The following SKIC3 variants were observed in gnomAD, a reference collection of about 807,000 sequenced individuals.
SKIC3 encodes SKI3 subunit of superkiller complex, also known as superkiller complex protein 3.
the SKIC3 span, chr5:95,509,488 C>G: frequency 1.2e-6 from 1 of 841,118 alleles, no homozygotes; most frequent in African/African-American, 1.7e-5. Context: ...GCGTGAACAT[C>G]CCCTGGCTTC....
At chr5:95,541,324 T>C in the SKIC3 span, 1 of 1,613,862 alleles carries the variant, frequency 6.2e-7, no homozygotes, top group South Asian at 1.1e-5. Flanking sequence ...TTTCTTTTCT[T>C]GGTAATATAG....
chr5:95,509,514 C>A, the SKIC3 span: 2 of 1,093,976 alleles, frequency 1.8e-6, no homozygotes, highest in Non-Finnish European at 1.4e-6. Flanking sequence ...GTTCTCCCAA[C>A]GCACAGGCCA....
chr5:95,526,551 G>GCAAC, the SKIC3 span, among the ~76,000 whole-genome samples: 1 of 151,008 alleles, frequency 6.6e-6, no homozygotes, highest in Non-Finnish European at 1.5e-5. Flanking sequence ...TTGACTCACT[G>GCAAC]CAACCTCTGC....
the SKIC3 span, chr5:95,546,855 T>C: frequency 1.8e-6 from 1 of 568,284 alleles, no homozygotes; most frequent in Non-Finnish European, 3.1e-6. Flanking sequence ...TTGGTTTTGT[T>C]AAGTTACCAA....
chr5:95,527,878 A>G, the SKIC3 span: 16 of 917,248 alleles, frequency 1.7e-5, no homozygotes, highest in Non-Finnish European at 2.6e-5. Flanking sequence ...AATGACTTAT[A>G]AAAGTGCAGA....
the SKIC3 span, chr5:95,522,216 C>A: frequency 6.2e-7 from 1 of 1,613,856 alleles, no homozygotes; most frequent in Non-Finnish European, 8.5e-7. Context: ...GACTTCAAGG[C>A]TGTTGTGTAG....
At chr5:95,482,239 G>C in the SKIC3 span, among the ~76,000 whole-genome samples, 1 of 152,142 alleles carries the variant, frequency 6.6e-6, no homozygotes, top group Non-Finnish European at 1.5e-5. Context: ...GTTTTAAAGT[G>C]AGAAAATTTA....
the SKIC3 span, among the ~76,000 whole-genome samples, chr5:95,496,018 C>T: frequency 7.0e-6 from 1 of 142,716 alleles, no homozygotes; most frequent in Non-Finnish European, 1.5e-5. Context: ...CAATTTCTTT[C>T]TTTTTTTTTT....
At chr5:95,494,705 T>C in the SKIC3 span, 1 of 1,613,736 alleles carries the variant, frequency 6.2e-7, no homozygotes, top group Non-Finnish European at 8.5e-7. Context: ...AGCTGCCTTC[T>C]GAATGGTCTT....
chr5:95,469,968 A>G, the SKIC3 span: 1 of 1,550,328 alleles, frequency 6.5e-7, no homozygotes, highest in South Asian at 1.1e-5. Flanking sequence ...TTTGAAAAGT[A>G]TTCAATTCAA....
the SKIC3 span, among the ~76,000 whole-genome samples, chr5:95,527,477 A>C: frequency 6.6e-6 from 1 of 152,220 alleles, no homozygotes. Flanking sequence ...AATAGTCTTT[A>C]CCTGACAAAA....
the SKIC3 span, chr5:95,484,694 A>T: frequency 6.2e-7 from 1 of 1,613,872 alleles, no homozygotes. Flanking sequence ...ATAAGAATCC[A>T]TGAGTTTCAA....
chr5:95,473,482 T>A, the SKIC3 span, among the ~76,000 whole-genome samples: 1 of 152,128 alleles, frequency 6.6e-6, no homozygotes, highest in Non-Finnish European at 1.5e-5. Flanking sequence ...TGCCAAGTTG[T>A]CCAGGCTGGT....
chr5:95,530,026 T>A, the SKIC3 span: 1 of 1,590,010 alleles, frequency 6.3e-7, no homozygotes, highest in African/African-American at 1.3e-5. Flanking sequence ...GGCTCAAAGA[T>A]AAATGCCTAC....
At chr5:95,472,810 C>T in the SKIC3 span, among the ~76,000 whole-genome samples, 4 of 152,126 alleles carry the variant, frequency 2.6e-5, no homozygotes, top group Admixed American at 2.6e-4. Context: ...TGTTTATGTT[C>T]ACGTGTGCTC....
the SKIC3 span, among the ~76,000 whole-genome samples, chr5:95,471,580 T>C: frequency 6.6e-6 from 1 of 151,984 alleles, no homozygotes; most frequent in Non-Finnish European, 1.5e-5. Flanking sequence ...TGAAAAGTAA[T>C]ATTTGCACAT....
At chr5:95,552,885 T>C in the SKIC3 span, among the ~76,000 whole-genome samples, 1 of 150,498 alleles carries the variant, frequency 6.6e-6, no homozygotes, top group Non-Finnish European at 1.5e-5. Flanking sequence ...GGCGAGGGAG[T>C]TGGGGGAAGG....
chr5:95,476,568 G>T, the SKIC3 span, among the ~76,000 whole-genome samples: 1 of 152,040 alleles, frequency 6.6e-6, no homozygotes, highest in Non-Finnish European at 1.5e-5. Context: ...GAACAAATTG[G>T]ATTGATAGCA....
the SKIC3 span, among the ~76,000 whole-genome samples, chr5:95,527,575 TAAG>T: frequency 1.3e-5 from 2 of 152,172 alleles, no homozygotes; most frequent in Admixed American, 1.3e-4. Flanking sequence ...CTCAAAACAC[TAAG>T]AAATCGGTTT....
Sources: allele counts gnomAD v4.1 joint callset (sites outside exome capture counted in the v4.1 genomes callset), GRCh38; gene constraint gnomAD v4.1.1; transcripts MANE v1.5; gene names NCBI Gene and HGNC (gene_info 2026-07-23, HGNC 2026-07-21).